Variants in SLCO1B1 observed in about 807,000 individuals in gnomAD.
SLCO1B1 encodes the protein OATP-2.
A neutral mutation model predicts 70.1 loss-of-function variants in SLCO1B1; 81 were observed. That is an observed-to-expected ratio of 1.16 (90% CI 0.97 to 1.39). The LOEUF (loss-of-function observed/expected upper bound fraction) is 1.39. Among genes scored for constraint, SLCO1B1 ranks in the 40% most tolerant of loss-of-function variants. SLCO1B1 has a pLI of 0.00. For synonymous variants in SLCO1B1, 283 were observed against 271.5 expected (o/e 1.04, Z -0.42); for missense variants, 895 against 799.6 (o/e 1.12, Z -1.44).
In SLCO1B1 at chr12:21,200,545, C is replaced by T; in HGVS notation, c.1008C>T (p.Pro336=). The T allele has an allele frequency of 6.3e-7, 1 of 1,599,132 alleles. No homozygotes were observed. Among genetic ancestry groups the T allele is most frequent in the Non-Finnish European group, 8.5e-7 (1 of 1,171,190 alleles). Residue 336 remains proline (P), a synonymous_variant, in exon 9 of 15, where the codon CCC becomes CCT. Coordinates refer to ENST00000256958, the MANE Select transcript of SLCO1B1 (RefSeq NM_006446.5). ...FQSFKSILTN[P]LYVMFVLLTL... ...CTTTTAAAAGCATCCTTACTAATCC[C>T]CTGTATGTTATGTTTGTGCTTTTGA...
In SLCO1B1 at chr12:21,210,734, C is replaced by A. The variant is rs372328321; in HGVS notation, c.1497+4701C>A. Among the ~76,000 whole-genome samples the A allele has an allele frequency of 2.7e-5, 4 of 147,692 alleles. No homozygotes were observed. The South Asian group carries it at 6.4e-4, about 24-fold the overall frequency. ...ATTTGTTTGTATCCTCTTTTATTTC[C>A]TTGAGCAGTGGTTTGTAGTTCTCCT... On this transcript the variant is annotated intron_variant, in intron 11 of 14. Transcript: ENST00000256958.
At chr12:21,156,746 G>T (rs1017999891) in intron 2 of SLCO1B1, among the ~76,000 whole-genome samples, 2 of 151,992 alleles carry the variant, frequency 1.3e-5, no homozygotes, top group Non-Finnish European at 2.9e-5. Context: ...TCCAATTTAC[G>T]CATGAGAAAA....
chr12:21,237,316 G>A lies in SLCO1B1; in HGVS notation c.1866-1663G>A, dbSNP rs1941606002. Among the ~76,000 whole-genome samples the A allele has an allele frequency of 5.3e-5, 8 of 152,092 alleles. No homozygotes were observed. The South Asian group carries it at 1.5e-3, about 28-fold the overall frequency. ...ACATTTCTTCAATTGTTGTTTGTCT[G>A]AGAATGTGTTTATTTCTACTTTACT... On this transcript the variant is annotated intron_variant, in intron 14 of 14. Coordinates refer to ENST00000256958, the MANE Select transcript of SLCO1B1 (RefSeq NM_006446.5).
At chr12:21,180,945 T>C (rs1311519885) in intron 7 of SLCO1B1, among the ~76,000 whole-genome samples, 1 of 152,226 alleles carries the variant, frequency 6.6e-6, no homozygotes, top group Non-Finnish European at 1.5e-5. Flanking sequence ...TATTCAGTGA[T>C]GAGTATGAGC....
At chr12:21,226,951 G>T (rs956381072) in intron 14 of SLCO1B1, among the ~76,000 whole-genome samples, 5 of 151,926 alleles carry the variant, frequency 3.3e-5, no homozygotes, top group Admixed American at 3.3e-4. Flanking sequence ...TATATAAAAA[G>T]ATGCTCAAAT....
intron 1 of SLCO1B1, among the ~76,000 whole-genome samples, chr12:21,133,868 T>A (rs1170258219): frequency 6.6e-6 from 1 of 152,182 alleles, no homozygotes; most frequent in Non-Finnish European, 1.5e-5. Flanking sequence ...TCCAACATTA[T>A]GTTGAATAGG....
In SLCO1B1 at chr12:21,211,117, G is replaced by C. The variant is rs149418716; in HGVS notation, c.1497+5084G>C. Among the ~76,000 whole-genome samples the C allele has an allele frequency of 5.9e-5, 9 of 152,322 alleles. No individual in the cohort carries two copies. The East Asian group carries it at 1.7e-3, about 29-fold the overall frequency. The stretch of plus-strand genomic sequence containing the variant: ...ACTCTGTTGAATAGGAGTGGTGAGA[G>C]AGGGCATCCCTGTTTTGTGCCAGTT... On this transcript the variant is annotated intron_variant, in intron 11 of 14. Transcript: ENST00000256958.
chr12:21,228,298 T>G (rs1163887776), intron 14 of SLCO1B1, among the ~76,000 whole-genome samples: 1 of 152,200 alleles, frequency 6.6e-6, no homozygotes, highest in Non-Finnish European at 1.5e-5. Context: ...ACTGTATACT[T>G]AAAAGAAATG....
chr12:21,239,157 T>C lies in SLCO1B1; in HGVS notation c.2044T>C (p.Ser682Pro). 6.2e-7 allele frequency: 1 copy of C among 1,613,214 alleles called. No individual in the cohort carries two copies. The highest frequency in any genetic ancestry group is 2.2e-5 in the East Asian group (1 of 44,766). Residue 682 changes from serine to proline, a missense_variant, in exon 15 of 15, where the codon TCT becomes CCT. Physicochemically the swap from Ser to Pro is moderately conservative, Grantham distance 74 (BLOSUM62 -1). Transcript: ENST00000256958. ...SLNKNKHFVP[S>P]AGADSETHC ...AAATAAAAATAAACATTTTGTCCCT[T>C]CTGCTGGGGCAGATAGTGAAACACA... is the stretch of plus-strand genomic sequence containing the variant.
intron 9 of SLCO1B1, among the ~76,000 whole-genome samples, chr12:21,201,290 T>C (rs1941154443): frequency 6.6e-6 from 1 of 152,148 alleles, no homozygotes; most frequent in African/African-American, 2.4e-5. Context: ...ATGTGGTATG[T>C]AACTAGGTCA....
At chr12:21,134,780 A>C (rs1363904134) in intron 1 of SLCO1B1, among the ~76,000 whole-genome samples, 1 of 152,118 alleles carries the variant, frequency 6.6e-6, no homozygotes, top group Admixed American at 6.5e-5. Flanking sequence ...CTTTCAAAAA[A>C]CCAGCTCCTG....
chr12:21,239,105 C>T lies in SLCO1B1; in HGVS notation c.1992C>T (p.Val664=). Residue 664 remains valine, a synonymous_variant, in exon 15 of 15, where the codon GTC becomes GTT. Coordinates refer to ENST00000256958, the MANE Select transcript of SLCO1B1 (RefSeq NM_006446.5). The part of the protein sequence containing the change: ...KDINASENGS[V]MDEANLESLN... ...TCAATGCATCAGAAAATGGAAGTGT[C>T]ATGGATGAAGCAAACTTAGAATCCT... 2 of 1,612,068 alleles carry T rather than the reference C, an allele frequency of 1.2e-6. No homozygotes were observed. The highest frequency in any genetic ancestry group is 1.7e-6 in the Non-Finnish European group (2 of 1,178,544).
intron 2 of SLCO1B1, among the ~76,000 whole-genome samples, chr12:21,161,402 C>T (rs905308732): frequency 3.3e-5 from 5 of 152,062 alleles, no homozygotes; most frequent in African/African-American, 1.2e-4. Flanking sequence ...AGCAAACTAA[C>T]ACAGGAAGAG....
At chr12:21,218,226 G>A (rs1941383202) in intron 12 of SLCO1B1, among the ~76,000 whole-genome samples, 1 of 152,196 alleles carries the variant, frequency 6.6e-6, no homozygotes, top group East Asian at 1.9e-4. Context: ...CATACTGAAT[G>A]AGAGGTTGTG....
rs4149086 is a variant in SLCO1B1 at position 21,239,517 on chromosome 12, A to G, written c.*328A>G. On this transcript the variant is annotated 3_prime_UTR_variant, in exon 15 of 15. Coordinates refer to ENST00000256958, the MANE Select transcript of SLCO1B1 (RefSeq NM_006446.5). ...CTAATTCTTAATAAAACAAATGAGT[A>G]TCATACAGGTAGAGGTTAAAAAGGA... 6.9e-4 allele frequency among the ~76,000 whole-genome samples: 105 copies of G among 152,338 alleles called. 2 individuals are homozygous for G. In the East Asian group the frequency reaches 0.014, roughly 20 times the overall value.
At chr12:21,152,857 A>G (rs1337661678) in intron 2 of SLCO1B1, among the ~76,000 whole-genome samples, 1 of 152,114 alleles carries the variant, frequency 6.6e-6, no homozygotes, top group African/African-American at 2.4e-5. Flanking sequence ...GAACAAGATA[A>G]TTTTTCTCCA....
chr12:21,179,286 A>T (rs917385526), intron 7 of SLCO1B1, among the ~76,000 whole-genome samples: 11 of 152,124 alleles, frequency 7.2e-5, no homozygotes, highest in Non-Finnish European at 1.6e-4. Flanking sequence ...CAAATGTAAA[A>T]TGTCTCCCTC....
intron 14 of SLCO1B1, among the ~76,000 whole-genome samples, chr12:21,236,687 CT>C (rs1941599149): frequency 6.6e-6 from 1 of 152,146 alleles, no homozygotes; most frequent in Admixed American, 6.5e-5. Flanking sequence ...GCTTTTACCG[CT>C]TTTCTTTACT....
chr12:21,229,484 T>G (rs1941512370), intron 14 of SLCO1B1, among the ~76,000 whole-genome samples: 2 of 152,232 alleles, frequency 1.3e-5, no homozygotes, highest in Non-Finnish European at 2.9e-5. Context: ...GTATGTAGCA[T>G]TTTTAGACTA....
Sources: allele counts gnomAD v4.1 joint callset (sites outside exome capture counted in the v4.1 genomes callset), GRCh38; gene constraint gnomAD v4.1.1; transcripts MANE v1.5; gene names NCBI Gene and HGNC (gene_info 2026-07-23, HGNC 2026-07-21).